Variants in CNTN6 observed in about 807,000 individuals in gnomAD.
CNTN6 encodes contactin 6.
A neutral mutation model predicts 122.8 loss-of-function variants in CNTN6; 137 were observed. The ratio of observed to expected loss-of-function variants is 1.12; its 90% CI spans 0.97 to 1.29. CNTN6 has a LOEUF of 1.29. Among genes scored for constraint, CNTN6 ranks in the 50% most tolerant of loss-of-function variants. The pLI is 0.00. For synonymous variants in CNTN6, 570 were observed against 426.0 expected, an observed-to-expected ratio of 1.34 and a Z score of -4.16; for missense variants, 1,634 against 1,223.4, an observed-to-expected ratio of 1.34 and a Z score of -5.01.
intron 1 of CNTN6, among the ~76,000 whole-genome samples, chr3:1,129,951 A>G: frequency 6.6e-6 from 1 of 152,048 alleles, no homozygotes; most frequent in African/African-American, 2.4e-5. Flanking sequence ...GAATAGATAC[A>G]TACATATACA....
intron 7 of CNTN6, among the ~76,000 whole-genome samples, chr3:1,308,322 T>TGTGTGC (rs940409528): frequency 3.3e-5 from 5 of 149,486 alleles, no homozygotes; most frequent in East Asian, 3.9e-4. Context: ...TGTGTGTGTG[T>TGTGTGC]GCACCTGTTA....
Position 1,383,180 on chromosome 3 carries a change from A to AGTT in CNTN6, c.2401+7_2401+9dup, listed in dbSNP as rs1486667476. The AGTT allele has an allele frequency of 1.2e-6, 2 of 1,611,124 alleles. No homozygotes were observed. The highest frequency in any genetic ancestry group is 1.6e-4 in the Middle Eastern group (1 of 6,062). ...ATTGTCTACTCTGGGGAAGATGGTAAGTTGTCCTCAACTCTGGTTTTCTTT... is the reference window on the plus strand; with the variant it reads ...ATTGTCTACTCTGGGGAAGATGGTAAGTTGTTGTCCTCAACTCTGGTTTTCTTT... On this transcript the variant is annotated splice_donor_region_variant and intron_variant, in intron 18 of 22. Transcript: ENST00000446702.
intron 8 of CNTN6, among the ~76,000 whole-genome samples, chr3:1,324,821 A>G (rs1354794310): frequency 3.3e-5 from 5 of 149,700 alleles, no homozygotes; most frequent in Non-Finnish European, 7.4e-5. Context: ...TAGGGTTCAA[A>G]TTTTGGCTTC....
intron 5 of CNTN6, among the ~76,000 whole-genome samples, chr3:1,279,484 T>C (rs2125794959): frequency 6.6e-6 from 1 of 152,272 alleles, no homozygotes; most frequent in South Asian, 2.1e-4. Context: ...TTATAAGAGA[T>C]ATATGAGTAT....
At chr3:1,228,534 G>T (rs892495563) in intron 4 of CNTN6, among the ~76,000 whole-genome samples, 1 of 152,140 alleles carries the variant, frequency 6.6e-6, no homozygotes, top group Non-Finnish European at 1.5e-5. Flanking sequence ...TGACATTTGG[G>T]GACATTAGCA....
chr3:1,277,519 CCTGG>C, intron 4 of CNTN6, among the ~76,000 whole-genome samples: 1 of 151,846 alleles, frequency 6.6e-6, no homozygotes, highest in East Asian at 1.9e-4. Context: ...TGCCACCATG[CCTGG>C]CTAATTTTTG....
At chr3:1,166,306 T>C (rs917157673) in intron 2 of CNTN6, among the ~76,000 whole-genome samples, 3 of 152,166 alleles carry the variant, frequency 2.0e-5, no homozygotes, top group African/African-American at 7.2e-5. Flanking sequence ...TTAAGCCACT[T>C]GCCCAATGTC....
At chr3:1,281,862 T>C (rs1693507037) in intron 5 of CNTN6, among the ~76,000 whole-genome samples, 1 of 152,210 alleles carries the variant, frequency 6.6e-6, no homozygotes, top group Non-Finnish European at 1.5e-5. Flanking sequence ...TTAAACTTGA[T>C]ATTATCAGAA....
chr3:1,295,677 G>GA lies in CNTN6; in HGVS notation c.532dup (p.Thr178AsnfsTer23), dbSNP rs1186064720. On this transcript the variant is annotated frameshift_variant, in exon 6 of 23. Coordinates refer to ENST00000446702, the MANE Select transcript of CNTN6 (RefSeq NM_001289080.2). LOFTEE classifies it high-confidence loss of function. ...ACAATAGGCGATTTGTATCTCAAGA[G>GA]ACGGGAAACTTGTACATTGCCAAAG... 5 of 1,613,874 alleles carry GA rather than the reference G, an allele frequency of 3.1e-6. No individual in the cohort carries two copies. Among genetic ancestry groups the GA allele is most frequent in the Non-Finnish European group, 4.2e-6 (5 of 1,179,918 alleles).
intron 1 of CNTN6, among the ~76,000 whole-genome samples, chr3:1,115,189 T>G (rs958618289): frequency 6.6e-6 from 1 of 152,160 alleles, no homozygotes; most frequent in South Asian, 2.1e-4. Flanking sequence ...TAAATACCCA[T>G]GTTTAGAAAT....
At chr3:1,309,748 T>G (rs1698942257) in intron 7 of CNTN6, among the ~76,000 whole-genome samples, 1 of 152,172 alleles carries the variant, frequency 6.6e-6, no homozygotes, top group Non-Finnish European at 1.5e-5. Flanking sequence ...CAGTGTTGAG[T>G]CTTTTCATCC....
chr3:1,368,367 C>A (rs1396417423), intron 12 of CNTN6, among the ~76,000 whole-genome samples: 2 of 152,096 alleles, frequency 1.3e-5, no homozygotes, highest in African/African-American at 4.8e-5. Flanking sequence ...AGAGTTAAAT[C>A]TTTTTAGAAA....
intron 7 of CNTN6, among the ~76,000 whole-genome samples, chr3:1,310,756 C>T (rs964559437): frequency 6.6e-6 from 1 of 152,076 alleles, no homozygotes; most frequent in Non-Finnish European, 1.5e-5. Context: ...AATCCCAGGA[C>T]TTTGGGAGGC....
chr3:1,226,008 T>G (rs2094278098), intron 3 of CNTN6, among the ~76,000 whole-genome samples: 1 of 152,182 alleles, frequency 6.6e-6, no homozygotes, highest in Non-Finnish European at 1.5e-5. Context: ...ATGGGATGTT[T>G]GAAGACGCGC....
chr3:1,288,143 A>G (rs993447174), intron 5 of CNTN6, among the ~76,000 whole-genome samples: 1 of 152,120 alleles, frequency 6.6e-6, no homozygotes, highest in Non-Finnish European at 1.5e-5. Context: ...AACCAGTTCT[A>G]TAGTTATTTG....
intron 2 of CNTN6, among the ~76,000 whole-genome samples, chr3:1,194,032 T>C (rs2093740286): frequency 6.6e-6 from 1 of 152,158 alleles, no homozygotes; most frequent in Non-Finnish European, 1.5e-5. Flanking sequence ...CTCTGCATCA[T>C]GTCCATTTTA....
intron 4 of CNTN6, among the ~76,000 whole-genome samples, chr3:1,235,876 T>C (rs993037453): frequency 3.4e-5 from 5 of 147,224 alleles, no homozygotes; most frequent in Non-Finnish European, 7.5e-5. Flanking sequence ...GGGTGGGGCA[T>C]GGTGGGAGTG....
chr3:1,099,392 A>G (rs9862774), intron 1 of CNTN6, among the ~76,000 whole-genome samples: 84 of 151,698 alleles, frequency 5.5e-4, no homozygotes, highest in Middle Eastern at 3.4e-3. Context: ...CGGAGCTTGC[A>G]GTGAGCCGAG....
At chr3:1,191,541 C>G (rs987640672) in intron 2 of CNTN6, among the ~76,000 whole-genome samples, 2 of 152,272 alleles carry the variant, frequency 1.3e-5, no homozygotes, top group East Asian at 3.9e-4. Context: ...GGATCTCTCC[C>G]TAGGTACCTT....
Sources: allele counts gnomAD v4.1 joint callset (sites outside exome capture counted in the v4.1 genomes callset), GRCh38; gene constraint gnomAD v4.1.1; transcripts MANE v1.5; gene names NCBI Gene and HGNC (gene_info 2026-07-23, HGNC 2026-07-21).